The following FSTL5 variants were observed in gnomAD, a reference collection of about 807,000 sequenced individuals.
The protein encoded by FSTL5 is follistatin-related protein 5.
FSTL5 carries 62 observed loss-of-function variants against 89.1 expected under a neutral mutation model. The ratio of observed to expected loss-of-function variants is 0.70; its 90% CI spans 0.57 to 0.86. The LOEUF is 0.86. FSTL5 is among the 40% of genes least tolerant of loss of function. FSTL5 has a pLI of 0.00. For missense variants in FSTL5, 1,057 were observed against 1,001.6 expected, an observed-to-expected ratio of 1.06 and a Z score of -0.75; for synonymous variants, 383 against 346.2, an observed-to-expected ratio of 1.11 and a Z score of -1.18.
At chr4:161,836,865 A>T (rs1188449537) in intron 4 of FSTL5, among the ~76,000 whole-genome samples, 2 of 152,110 alleles carry the variant, frequency 1.3e-5, no homozygotes, top group East Asian at 3.9e-4. Flanking sequence ...CTATTTCCTT[A>T]TTTTATGATT....
At position 161,403,965 on chromosome 4, in the gene FSTL5, G is replaced by A. The variant is rs540063881; in HGVS notation, c.1842-17516C>T. On this transcript the variant is annotated intron_variant, in intron 15 of 15. Coordinates refer to ENST00000306100, the MANE Select transcript of FSTL5 (RefSeq NM_020116.5). The stretch of plus-strand genomic sequence containing the variant: ...GTGAACTCTGTGGCATTTCAATTTC[G>A]CCTAGCCTTGCTTCATCCCTCTTCC... Among the ~76,000 whole-genome samples the A allele has an allele frequency of 3.3e-5, 5 of 152,102 alleles. No individual in the cohort carries two copies. In the East Asian group the frequency reaches 5.8e-4, roughly 18 times the overall value.
intron 3 of FSTL5, among the ~76,000 whole-genome samples, chr4:161,993,447 T>A: frequency 7.4e-6 from 1 of 134,978 alleles, no homozygotes; most frequent in East Asian, 2.0e-4. Context: ...TGATTTTTAC[T>A]TTTGTATGAT....
intron 3 of FSTL5, among the ~76,000 whole-genome samples, chr4:161,929,733 G>A (rs955793334): frequency 6.7e-6 from 1 of 148,976 alleles, no homozygotes; most frequent in African/African-American, 2.5e-5. Flanking sequence ...TTATAGCTTA[G>A]AAAAACATCT....
intron 8 of FSTL5, among the ~76,000 whole-genome samples, chr4:161,565,769 A>ACACACG (rs1732776089): frequency 6.7e-6 from 1 of 150,358 alleles, no homozygotes; most frequent in Admixed American, 6.7e-5. Flanking sequence ...ACACACACAC[A>ACACACG]CACACACACA....
chr4:161,733,787 T>C (rs1044906768), intron 6 of FSTL5, among the ~76,000 whole-genome samples: 1 of 152,042 alleles, frequency 6.6e-6, no homozygotes, highest in Non-Finnish European at 1.5e-5. Context: ...TACTTACTTT[T>C]ATAATCAAAA....
intron 1 of FSTL5, among the ~76,000 whole-genome samples, chr4:162,132,646 C>G (rs948672735): frequency 4.6e-5 from 7 of 152,170 alleles, no homozygotes; most frequent in African/African-American, 1.7e-4. Context: ...TCTATGCCTA[C>G]TGCATAGATG....
intron 15 of FSTL5, among the ~76,000 whole-genome samples, chr4:161,418,176 T>C (rs1301085716): frequency 1.3e-5 from 2 of 152,152 alleles, no homozygotes; most frequent in Non-Finnish European, 2.9e-5. Context: ...TGTGGGTGAA[T>C]GTGTGTGAGT....
chr4:161,712,328 A>G (rs1738811891), intron 6 of FSTL5, among the ~76,000 whole-genome samples: 1 of 152,178 alleles, frequency 6.6e-6, no homozygotes, highest in African/African-American at 2.4e-5. Context: ...TAAATAACAT[A>G]GAGATAAGAC....
chr4:161,579,552 C>G (rs891857470), intron 8 of FSTL5, among the ~76,000 whole-genome samples: 27 of 151,706 alleles, frequency 1.8e-4, no homozygotes, highest in African/African-American at 6.5e-4. Context: ...ACCCCCTCTC[C>G]ATTAAAATAT....
intron 1 of FSTL5, among the ~76,000 whole-genome samples, chr4:162,154,104 G>A (rs1347424989): frequency 6.6e-6 from 1 of 151,938 alleles, no homozygotes; most frequent in Non-Finnish European, 1.5e-5. Flanking sequence ...ACTGCACCCA[G>A]CCAAAATAGC....
chr4:161,387,748 C>T lies in FSTL5; in HGVS notation c.1842-1299G>A, dbSNP rs182058142. 5.9e-5 allele frequency: 9 copies of T among 151,974 alleles called. No individual in the cohort carries two copies. The South Asian group carries it at 6.2e-4, about 11-fold the overall frequency. 9.4% of individuals were successfully genotyped at this position (151,974 alleles called of 1,614,324 possible). Reference sequence around the variant, plus strand: ...GGAGTGCCTACACACAGATGTTTTACGAAAATAGACATAAAATTGTAATTG... The same window carrying T: ...GGAGTGCCTACACACAGATGTTTTATGAAAATAGACATAAAATTGTAATTG... On this transcript the variant is annotated intron_variant, in intron 15 of 15. Coordinates refer to ENST00000306100, the MANE Select transcript of FSTL5 (RefSeq NM_020116.5).
chr4:161,878,675 A>C (rs1732526354), intron 4 of FSTL5, among the ~76,000 whole-genome samples: 2 of 152,142 alleles, frequency 1.3e-5, no homozygotes, highest in Non-Finnish European at 2.9e-5. Context: ...GTAAAATAAA[A>C]TAGAATATCC....
intron 1 of FSTL5, among the ~76,000 whole-genome samples, chr4:162,134,672 G>A (rs1178344933): frequency 6.6e-6 from 1 of 152,208 alleles, no homozygotes; most frequent in East Asian, 1.9e-4. Context: ...AGAGGGAAGA[G>A]AGAACAACAA....
At chr4:161,658,046 A>G (rs1246816837) in intron 6 of FSTL5, among the ~76,000 whole-genome samples, 1 of 152,228 alleles carries the variant, frequency 6.6e-6, no homozygotes, top group Non-Finnish European at 1.5e-5. Flanking sequence ...TACATCACCC[A>G]AAACAGAGAC....
chr4:161,736,583 T>C (rs1217295292), intron 6 of FSTL5, among the ~76,000 whole-genome samples: 3 of 152,034 alleles, frequency 2.0e-5, no homozygotes, highest in African/African-American at 4.8e-5. Flanking sequence ...CAGAAGAAAA[T>C]AGAAAGAATT....
chr4:161,841,035 A>G (rs1170052564), intron 4 of FSTL5, among the ~76,000 whole-genome samples: 2 of 152,178 alleles, frequency 1.3e-5, no homozygotes, highest in Non-Finnish European at 2.9e-5. Flanking sequence ...ATTTTCTGTC[A>G]AAGGTGCTCT....
chr4:161,756,210 GAAC>G (rs141005073), intron 6 of FSTL5, among the ~76,000 whole-genome samples: 12,592 of 151,954 alleles, frequency 0.083, 953 homozygotes, highest in African/African-American at 0.2. Context: ...ATGATGTTGT[GAAC>G]AACATTTTAT....
At chr4:161,809,003 G>A (rs891106571) in intron 4 of FSTL5, among the ~76,000 whole-genome samples, 2 of 152,164 alleles carry the variant, frequency 1.3e-5, no homozygotes, top group Non-Finnish European at 2.9e-5. Context: ...CAGATCACGA[G>A]GTCAGAAGAT....
intron 7 of FSTL5, among the ~76,000 whole-genome samples, chr4:161,637,467 A>T (rs1169380485): frequency 6.6e-6 from 1 of 151,506 alleles, no homozygotes; most frequent in Non-Finnish European, 1.5e-5. Context: ...CTTTAGTTTA[A>T]TGAGATCTCA....
Sources: allele counts gnomAD v4.1 joint callset (sites outside exome capture counted in the v4.1 genomes callset), GRCh38; gene constraint gnomAD v4.1.1; transcripts MANE v1.5; gene names NCBI Gene and HGNC (gene_info 2026-07-23, HGNC 2026-07-21).